EVI5: variants seen among roughly 807,000 people sequenced by gnomAD.
The protein encoded by EVI5 is ecotropic viral integration site 5.
In EVI5, 73 loss-of-function variants were observed where a neutral mutation model predicts 112.0. That is an observed-to-expected ratio of 0.65 (90% CI 0.54 to 0.79). The LOEUF is 0.79. Ranked by LOEUF, EVI5 falls within the 30% of genes least tolerant of loss-of-function variation. The pLI is 0.00. For synonymous variants in EVI5, 305 were observed against 319.9 expected, an observed-to-expected ratio of 0.95 and a Z score of 0.50; for missense variants, 900 against 968.8, an observed-to-expected ratio of 0.93 and a Z score of 0.94.
At chr1:92,607,369 G>A (rs753308580) in intron 17 of EVI5, 13 of 417,398 alleles carry the variant, frequency 3.1e-5, no homozygotes, top group African/African-American at 2.5e-4. Context: ...AACCAAGGAA[G>A]TGACTGAAAA....
chr1:92,678,110 G>C (rs1239920098), intron 9 of EVI5, among the ~76,000 whole-genome samples: 2 of 152,152 alleles, frequency 1.3e-5, no homozygotes, highest in African/African-American at 2.4e-5. Flanking sequence ...TACTATGCTT[G>C]CTATCTGGGT....
intron 1 of EVI5, among the ~76,000 whole-genome samples, chr1:92,766,313 T>TA (rs967168134): frequency 7.9e-5 from 12 of 151,544 alleles, no homozygotes; most frequent in Admixed American, 2.0e-4. Flanking sequence ...TTTGTTTTTT[T>TA]AAAAAAAGGA....
chr1:92,577,772 A>G (rs1185143693), intron 18 of EVI5, among the ~76,000 whole-genome samples: 1 of 152,230 alleles, frequency 6.6e-6, no homozygotes, highest in Non-Finnish European at 1.5e-5. Flanking sequence ...CTCATGAGAC[A>G]TTGCTCACAC....
At chr1:92,636,380 C>T in intron 13 of EVI5, 44 bp from the exon 14 acceptor site, 1 of 1,527,010 alleles carries the variant, frequency 6.5e-7, no homozygotes, top group Non-Finnish European at 9.0e-7. Context: ...AAAGTATAAA[C>T]ATGTATATAC....
intron 9 of EVI5, among the ~76,000 whole-genome samples, chr1:92,693,551 T>TGAA: frequency 6.6e-6 from 1 of 152,292 alleles, no homozygotes; most frequent in South Asian, 2.1e-4. Context: ...AACAGCATCC[T>TGAA]CATATATGTA....
intron 9 of EVI5, among the ~76,000 whole-genome samples, 198 bp downstream of exon 9, chr1:92,693,604 G>C (rs1040148299): frequency 6.6e-6 from 1 of 151,958 alleles, no homozygotes; most frequent in East Asian, 1.9e-4. Context: ...TGGAAAAGGA[G>C]GAAAGTTTTA....
intron 1 of EVI5, among the ~76,000 whole-genome samples, chr1:92,744,150 T>G (rs1283823621): frequency 6.6e-6 from 1 of 152,210 alleles, no homozygotes; most frequent in South Asian, 2.1e-4. Context: ...ACAAGTTGTA[T>G]AGATAATTGT....
chr1:92,589,592 T>C (rs1444950679), intron 18 of EVI5, among the ~76,000 whole-genome samples: 1 of 152,134 alleles, frequency 6.6e-6, no homozygotes, highest in African/African-American at 2.4e-5. Flanking sequence ...CTGCCGAGGC[T>C]TGAGTAGGTA....
intron 2 of EVI5, among the ~76,000 whole-genome samples, chr1:92,715,735 GA>G (rs1673539284): frequency 6.6e-6 from 1 of 152,102 alleles, no homozygotes; most frequent in Non-Finnish European, 1.5e-5. Context: ...ACTGTACCTG[GA>G]AAAACGGGAC....
intron 16 of EVI5, among the ~76,000 whole-genome samples, chr1:92,621,994 G>A (rs201067500): frequency 5.9e-4 from 89 of 152,004 alleles, no homozygotes; most frequent in African/African-American, 9.4e-4. Flanking sequence ...GGTAGTGGGC[G>A]CCTGTAATCC....
intron 2 of EVI5, among the ~76,000 whole-genome samples, chr1:92,705,783 C>T (rs760548304): frequency 6.6e-6 from 1 of 152,198 alleles, no homozygotes; most frequent in Non-Finnish European, 1.5e-5. Context: ...GAAAAGTCAT[C>T]TGCTTAGGCT....
intron 19 of EVI5, among the ~76,000 whole-genome samples, chr1:92,515,545 A>G (rs1314364526): frequency 3.3e-5 from 5 of 152,208 alleles, no homozygotes; most frequent in African/African-American, 4.8e-5. Context: ...AGAGTAAAAA[A>G]CCAAAACCAA....
intron 19 of EVI5, among the ~76,000 whole-genome samples, chr1:92,521,917 C>T (rs1660999834): frequency 6.6e-6 from 1 of 152,146 alleles, no homozygotes; most frequent in South Asian, 2.1e-4. Flanking sequence ...TAAAGCAATT[C>T]TACAACCCAC....
At chr1:92,785,190 G>C (rs923304113), upstream of EVI5, 75 of 815,052 alleles carry the variant, frequency 9.2e-5, 1 homozygote, top group African/African-American at 1.3e-3. Flanking sequence ...GGGCCGGGCG[G>C]GCCGGCCGAG....
intron 2 of EVI5, among the ~76,000 whole-genome samples, chr1:92,717,013 C>A (rs1367892031): frequency 1.3e-5 from 2 of 151,882 alleles, no homozygotes; most frequent in Non-Finnish European, 2.9e-5. Context: ...TCGAACCCAT[C>A]ACAAGGCAGC....
intron 18 of EVI5, 57 bp downstream of exon 18, chr1:92,605,250 C>A (rs767232963): frequency 1.6e-4 from 185 of 1,146,038 alleles, no homozygotes; most frequent in Non-Finnish European, 2.1e-4. Flanking sequence ...ACTGTTCAGA[C>A]AAAGAGGATA....
At position 92,605,722 on chromosome 1, in the gene EVI5, G is replaced by C. The variant is rs376330220; in HGVS notation, c.1975-320C>G. Among the ~76,000 whole-genome samples the C allele has an allele frequency of 7.9e-5, 12 of 152,248 alleles. 1 individual carries two copies. The highest frequency in any genetic ancestry group is 5.2e-4 in the Admixed American group (8 of 15,282). ...TGCATTTTGAAACTGGGGTTCACAG[G>C]CTTGTAATATTTCAACTTTAAGTGA... On this transcript the variant is annotated intron_variant, in intron 17 of 19. Transcript: ENST00000684568.
At chr1:92,617,399 G>C (rs1424494186) in intron 16 of EVI5, among the ~76,000 whole-genome samples, 2 of 152,220 alleles carry the variant, frequency 1.3e-5, no homozygotes, top group Admixed American at 6.5e-5. Flanking sequence ...ACCTCTCTGA[G>C]TGGCCAAAAT....
chr1:92,757,547 T>C (rs567534264), intron 1 of EVI5, among the ~76,000 whole-genome samples: 25 of 152,036 alleles, frequency 1.6e-4, no homozygotes, highest in Non-Finnish European at 3.2e-4. Context: ...ATAAATAGTA[T>C]AGGTATATGG....
Sources: gnomAD v4.1 joint callset for allele counts (sites outside exome capture counted in the v4.1 genomes callset) on GRCh38, gnomAD v4.1.1 for gene constraint, MANE v1.5 for transcripts, NCBI Gene and HGNC (gene_info 2026-07-23, HGNC 2026-07-21) for gene names.